BLTP1: variants seen among roughly 807,000 people sequenced by gnomAD.
The protein encoded by BLTP1 is fragile site-associated protein.
the BLTP1 span, chr4:122,304,696 A>G: frequency 6.7e-7 from 1 of 1,496,018 alleles, no homozygotes; most frequent in Admixed American, 2.2e-5. Context: ...ATGGTTTAAA[A>G]CACGACTATT....
chr4:122,346,887 T>G, the BLTP1 span: 1 of 1,458,708 alleles, frequency 6.9e-7, no homozygotes, highest in Non-Finnish European at 9.1e-7. Context: ...AAATGTCCAT[T>G]GGGCCCCTCT....
At chr4:122,316,290 A>G in the BLTP1 span, 4 of 414,348 alleles carry the variant, frequency 9.7e-6, no homozygotes, top group African/African-American at 2.1e-5. Flanking sequence ...ATACCATGAA[A>G]TAGTTTTGTT....
chr4:122,176,694 C>A, the BLTP1 span, among the ~76,000 whole-genome samples: 3 of 151,854 alleles, frequency 2.0e-5, no homozygotes, highest in Admixed American at 6.6e-5. Flanking sequence ...ATTATGACTT[C>A]TTAGGATAAT....
the BLTP1 span, chr4:122,246,155 T>C: frequency 6.4e-7 from 1 of 1,570,254 alleles, no homozygotes. Flanking sequence ...TTTTTAGTTA[T>C]CTTCCAAACA....
chr4:122,219,291 A>G, the BLTP1 span: 1 of 1,587,674 alleles, frequency 6.3e-7, no homozygotes, highest in Non-Finnish European at 8.6e-7. Context: ...GTGAAAATAT[A>G]TTTACATACC....
the BLTP1 span, chr4:122,167,800 A>G: frequency 2.0e-6 from 2 of 985,390 alleles, no homozygotes; most frequent in Non-Finnish European, 2.4e-6. Context: ...CCATGTGCAG[A>G]CGCATGCTTT....
the BLTP1 span, chr4:122,340,698 T>C: frequency 1.0e-6 from 1 of 983,800 alleles, no homozygotes; most frequent in South Asian, 4.7e-5. Flanking sequence ...GCTAATGTGG[T>C]CACCCATTAT....
chr4:122,205,772 T>C, the BLTP1 span: 1 of 124,742 alleles, frequency 8.0e-6, no homozygotes, highest in Non-Finnish European at 1.6e-5. Context: ...TCTCTCTCTC[T>C]TTCTCTGTCA....
the BLTP1 span, chr4:122,343,426 C>G: frequency 6.2e-7 from 1 of 1,613,836 alleles, no homozygotes; most frequent in Non-Finnish European, 8.5e-7. Flanking sequence ...CGGGATTAGG[C>G]AGCCCTCTTG....
At chr4:122,347,318 T>A in the BLTP1 span, 1 of 882,704 alleles carries the variant, frequency 1.1e-6, no homozygotes, top group Non-Finnish European at 1.4e-6. Flanking sequence ...AGACCAGAGG[T>A]CCTGTTTTGC....
At chr4:122,272,847 A>G in the BLTP1 span, among the ~76,000 whole-genome samples, 22 of 152,054 alleles carry the variant, frequency 1.4e-4, no homozygotes, top group Non-Finnish European at 2.9e-4. Context: ...AAAACATACC[A>G]TTTATCTTGA....
the BLTP1 span, chr4:122,298,675 A>G: frequency 4.2e-5 from 1 of 23,822 alleles, no homozygotes; most frequent in Non-Finnish European, 7.1e-5. Context: ...TTAAACATAT[A>G]ATAATAAAAA....
At chr4:122,334,177 T>A in the BLTP1 span, 1 of 254,796 alleles carries the variant, frequency 3.9e-6, no homozygotes, top group Non-Finnish European at 6.2e-6. Flanking sequence ...CTTTTTATTT[T>A]AAAAAATGAA....
At chr4:122,240,471 C>G in the BLTP1 span, 19 of 798,610 alleles carry the variant, frequency 2.4e-5, no homozygotes, top group Non-Finnish European at 3.9e-6. Flanking sequence ...GAGAGACTTT[C>G]TGAAGCCATA....
chr4:122,248,836 G>A, the BLTP1 span, among the ~76,000 whole-genome samples: 3 of 152,028 alleles, frequency 2.0e-5, no homozygotes, highest in Non-Finnish European at 4.4e-5. Context: ...GGGCTAGAGT[G>A]CAGTGTACTT....
the BLTP1 span, among the ~76,000 whole-genome samples, chr4:122,253,647 A>G: frequency 6.6e-6 from 1 of 152,172 alleles, no homozygotes; most frequent in African/African-American, 2.4e-5. Flanking sequence ...CATGCCTACA[A>G]GATCTAGAAA....
the BLTP1 span, chr4:122,325,421 A>G: frequency 2.1e-6 from 3 of 1,413,682 alleles, no homozygotes; most frequent in African/African-American, 2.9e-5. Context: ...ATTTCTTACT[A>G]TAATCAAAGT....
At chr4:122,356,337 A>T in the BLTP1 span, among the ~76,000 whole-genome samples, 12 of 152,190 alleles carry the variant, frequency 7.9e-5, no homozygotes, top group Non-Finnish European at 1.6e-4. Context: ...TCATTGGAGG[A>T]TTTCAGATTT....
the BLTP1 span, chr4:122,328,339 A>G: frequency 9.3e-6 from 15 of 1,609,624 alleles, no homozygotes; most frequent in Non-Finnish European, 1.3e-5. Context: ...GAAAGGTTTT[A>G]TATTTACAGG....
Sources: gnomAD v4.1 joint callset for allele counts (sites outside exome capture counted in the v4.1 genomes callset) on GRCh38, gnomAD v4.1.1 for gene constraint, MANE v1.5 for transcripts, NCBI Gene and HGNC (gene_info 2026-07-23, HGNC 2026-07-21) for gene names.